The following UBE2H variants were observed in gnomAD, a reference collection of about 807,000 sequenced individuals.
UBE2H encodes ubiquitin conjugating enzyme E2 H, also known as ubiquitin-conjugating enzyme E2 H.
In UBE2H, 3 loss-of-function variants were observed where a neutral mutation model predicts 29.0. The ratio of observed to expected loss-of-function variants is 0.10; its 90% confidence interval spans 0.05 to 0.27. The LOEUF is 0.27. UBE2H is among the 10% of genes least tolerant of loss of function. The probability of loss-of-function intolerance (pLI) is 1.00; values close to 1 mark genes in which losing one functional copy is unlikely to be tolerated. For missense variants in UBE2H, 68 were observed against 228.2 expected (o/e 0.30, Z 4.52); for synonymous variants, 69 against 82.9 (o/e 0.83, Z 0.91).
chr7:129,940,003 T>C (rs1390720264), intron 1 of UBE2H, among the ~76,000 whole-genome samples: 1 of 151,606 alleles, frequency 6.6e-6, no homozygotes, highest in Non-Finnish European at 1.5e-5. Flanking sequence ...AAAATCCAGA[T>C]TACCAAAGTT....
intron 1 of UBE2H, among the ~76,000 whole-genome samples, 188 bp downstream of exon 1, chr7:129,952,315 A>G (rs1468402175): frequency 6.6e-6 from 1 of 152,132 alleles, no homozygotes; most frequent in Non-Finnish European, 1.5e-5. Flanking sequence ...GCTGCGGAGA[A>G]AAGGCGAGCT....
intron 1 of UBE2H, among the ~76,000 whole-genome samples, chr7:129,886,767 TAAAA>T (rs79067201): frequency 2.4e-3 from 174 of 72,048 alleles, no homozygotes; most frequent in Middle Eastern, 7.7e-3. Context: ...TGTTTTTTGG[TAAAA>T]AAAAAAAAAA....
chr7:129,917,762 AAAC>A (rs1184783836), intron 1 of UBE2H, among the ~76,000 whole-genome samples: 15 of 152,200 alleles, frequency 9.9e-5, no homozygotes, highest in Non-Finnish European at 1.6e-4. Flanking sequence ...AGGGGTAAAA[AAAC>A]AACAACTTTG....
intron 1 of UBE2H, among the ~76,000 whole-genome samples, chr7:129,937,234 C>T (rs756106798): frequency 2.0e-5 from 3 of 151,888 alleles, no homozygotes; most frequent in Non-Finnish European, 2.9e-5. Context: ...AAGGCTGAGG[C>T]AGGAGAATGG....
At chr7:129,857,718 G>A (rs111561367) in intron 4 of UBE2H, among the ~76,000 whole-genome samples, 155 bp from the exon 5 acceptor site, 1 of 152,208 alleles carries the variant, frequency 6.6e-6, no homozygotes. Flanking sequence ...GAACAGAATA[G>A]TACCAGGTCT....
At chr7:129,942,832 GTGTAA>G (rs1160799998) in intron 1 of UBE2H, among the ~76,000 whole-genome samples, 2 of 151,874 alleles carry the variant, frequency 1.3e-5, no homozygotes, top group Non-Finnish European at 2.9e-5. Flanking sequence ...TGATCCTAAA[GTGTAA>G]TGTGTTTTTT....
intron 1 of UBE2H, among the ~76,000 whole-genome samples, chr7:129,885,136 C>T (rs1306892999): frequency 6.6e-6 from 1 of 151,788 alleles, no homozygotes; most frequent in Non-Finnish European, 1.5e-5. Context: ...GTCCTCTTTC[C>T]AACCAGAGCT....
chr7:129,868,826 T>C (rs1805968297), intron 3 of UBE2H, among the ~76,000 whole-genome samples: 1 of 152,084 alleles, frequency 6.6e-6, no homozygotes, highest in Admixed American at 6.5e-5. Flanking sequence ...CTTCTCTCAC[T>C]GAGAACTTCA....
intron 5 of UBE2H, among the ~76,000 whole-genome samples, chr7:129,848,380 C>T (rs572641532): frequency 4.6e-5 from 7 of 152,190 alleles, no homozygotes; most frequent in South Asian, 2.1e-4. Context: ...CTTTCCAAGC[C>T]GAAAATCACA....
chr7:129,952,363 G>C, intron 1 of UBE2H, 140 bp downstream of exon 1: 2 of 1,055,210 alleles, frequency 1.9e-6, no homozygotes, highest in Non-Finnish European at 2.6e-6. Flanking sequence ...CCAAGGAGCC[G>C]CCGTAGGCAC....
intron 5 of UBE2H, among the ~76,000 whole-genome samples, chr7:129,852,306 A>G (rs189757030): frequency 6.6e-6 from 1 of 152,284 alleles, no homozygotes; most frequent in Non-Finnish European, 1.5e-5. Flanking sequence ...TTGTATTTTA[A>G]ATTTCTAAAT....
rs1411785311 is a variant in UBE2H at position 129,868,586 on chromosome 7, C to A, written c.206-9645G>T. Among the ~76,000 whole-genome samples the A allele has an allele frequency of 2.5e-3, 175 of 69,500 alleles. No homozygotes were observed. The East Asian group carries it at 0.038, about 15-fold the overall frequency. The allele number at this position is 69,500 out of a possible 152,430, so 45.6% of individuals were successfully genotyped here. On this transcript the variant is annotated intron_variant, in intron 3 of 6. Coordinates refer to ENST00000355621, the MANE Select transcript of UBE2H (RefSeq NM_003344.4). ...TGGGCGACAGAGCGAGACTCCGTCT[C>A]AAAAAAAAAAAAAAAAAAAAAAAAA...
At chr7:129,854,900 G>C (rs145571032) in intron 5 of UBE2H, among the ~76,000 whole-genome samples, 78 of 151,368 alleles carry the variant, frequency 5.2e-4, no homozygotes, top group African/African-American at 1.7e-3. Context: ...GATCAACCTT[G>C]AAAACATTAT....
intron 1 of UBE2H, among the ~76,000 whole-genome samples, chr7:129,923,015 C>A (rs1807195880): frequency 6.6e-6 from 1 of 152,094 alleles, no homozygotes; most frequent in Non-Finnish European, 1.5e-5. Flanking sequence ...TATTCTCCTG[C>A]CTCAGCCTCA....
intron 1 of UBE2H, among the ~76,000 whole-genome samples, chr7:129,888,996 T>C (rs1806420823): frequency 6.6e-6 from 1 of 152,166 alleles, no homozygotes; most frequent in Non-Finnish European, 1.5e-5. Flanking sequence ...TTTGGACATG[T>C]CGAGGTGGGA....
intron 1 of UBE2H, among the ~76,000 whole-genome samples, chr7:129,900,916 A>G (rs1563039930): frequency 6.6e-6 from 1 of 151,884 alleles, no homozygotes; most frequent in East Asian, 1.9e-4. Flanking sequence ...ACGCCCGGCT[A>G]ATTTTTTGTA....
At chr7:129,879,687 T>C (rs1332029081) in intron 2 of UBE2H, 45 bp from the exon 3 acceptor site, 2 of 1,517,774 alleles carry the variant, frequency 1.3e-6, no homozygotes, top group Admixed American at 1.9e-5. Context: ...ATCTCCAAAT[T>C]AGAAAATAAA....
At chr7:129,841,083 G>A (rs151038679) in intron 5 of UBE2H, among the ~76,000 whole-genome samples, 1 of 152,324 alleles carries the variant, frequency 6.6e-6, no homozygotes, top group Non-Finnish European at 1.5e-5. Flanking sequence ...AATGTCAGCA[G>A]TGCTGAGGTT....
At chr7:129,849,491 T>C (rs543420308) in intron 5 of UBE2H, among the ~76,000 whole-genome samples, 48 of 152,102 alleles carry the variant, frequency 3.2e-4, no homozygotes, top group African/African-American at 1.2e-3. Flanking sequence ...GGCAGGAGAA[T>C]CGCTTGAACC....
Sources: allele counts gnomAD v4.1 joint callset (sites outside exome capture counted in the v4.1 genomes callset), GRCh38; gene constraint gnomAD v4.1.1; transcripts MANE v1.5; gene names NCBI Gene and HGNC (gene_info 2026-07-23, HGNC 2026-07-21).